Variants in COL4A3 observed in about 807,000 individuals in gnomAD.
The protein encoded by COL4A3 is collagen type IV alpha 3 chain.
In COL4A3, 135 loss-of-function variants were observed where a neutral mutation model predicts 217.4. That is an observed-to-expected ratio of 0.62 (90% CI 0.54 to 0.72). The LOEUF (loss-of-function observed/expected upper bound fraction) is 0.72. Ranked by LOEUF, COL4A3 falls within the 30% of genes least tolerant of loss-of-function variation. The pLI is 0.00. For missense variants in COL4A3, 1,868 were observed against 2,119.9 expected (o/e 0.88, Z 2.33); for synonymous variants, 690 against 736.3 (o/e 0.94, Z 1.02).
rs2071812997 is a variant in COL4A3 at position 227,279,579 on chromosome 2, C to G, written c.2126-214C>G. ...TTGCTGAATCAAAATCATGGCCCTA[C>G]TAAACAACAAAATAGAGAAAGTTAT... is the stretch of plus-strand genomic sequence containing the variant. On this transcript the variant is annotated intron_variant, in intron 28 of 51. Transcript: ENST00000396578. 9.1e-6 allele frequency: 5 copies of G among 547,358 alleles called. No homozygotes were observed. In the South Asian group the frequency reaches 9.7e-5, roughly 11 times the overall value. 33.9% of individuals were successfully genotyped at this position (547,358 alleles called of 1,614,324 possible). A position where few individuals can be genotyped will look rare whatever the true frequency, so the allele number is the denominator to read the frequency against.
At position 227,279,772 on chromosome 2, in the gene COL4A3, TTTA is replaced by T. The variant is rs770265566; in HGVS notation, c.2126-18_2126-16del. 1.4e-5 allele frequency: 21 copies of T among 1,507,810 alleles called. No individual in the cohort carries two copies. The highest frequency in any genetic ancestry group is 1.7e-5 in the Non-Finnish European group (19 of 1,092,104). 93.4% of individuals were successfully genotyped at this position (1,507,810 alleles called of 1,614,324 possible). ...CAATAAGACTAATCCTACAACAATGTTTATTGTTTTTTCTCTGTAGGAGACCAA... is the reference window on the plus strand; with the variant it reads ...CAATAAGACTAATCCTACAACAATGTTTGTTTTTTCTCTGTAGGAGACCAA... On this transcript the variant is annotated intron_variant, in intron 28 of 51. Transcript: ENST00000396578.
At position 227,311,749 on chromosome 2, in the gene COL4A3, T is replaced by C. The variant is rs1350051307; in HGVS notation, c.4929-37T>C. Reference sequence around the variant, plus strand: ...CTCAGCAAAAATTCCCTTTTATGCATAAATAAATGAATTTTTTTGGTTTGT... The same window carrying C: ...CTCAGCAAAAATTCCCTTTTATGCACAAATAAATGAATTTTTTTGGTTTGT... On this transcript the variant is annotated intron_variant, in intron 51 of 51. Coordinates refer to ENST00000396578, the MANE Select transcript of COL4A3 (RefSeq NM_000091.5). The C allele has an allele frequency of 3.1e-6, 5 of 1,598,066 alleles. No homozygotes were observed. In the African/African-American group the frequency reaches 5.4e-5, roughly 17 times the overall value.
chr2:227,171,310 G>A (rs183626644), intron 1 of COL4A3, among the ~76,000 whole-genome samples: 1 of 152,242 alleles, frequency 6.6e-6, no homozygotes, highest in African/African-American at 2.4e-5. Flanking sequence ...TGAACTTTAT[G>A]TATGTAGATT....
intron 1 of COL4A3, among the ~76,000 whole-genome samples, chr2:227,192,365 G>C (rs1218633396): frequency 6.6e-6 from 1 of 152,082 alleles, no homozygotes. Context: ...GTTAGATGTG[G>C]TTTAGCACAC....
Position 227,253,387 on chromosome 2 carries a change from G to T in COL4A3, c.687+50G>T. On this transcript the variant is annotated intron_variant, in intron 12 of 51. Transcript: ENST00000396578. This position sits in a 1 kb window ranked among gnomAD's most constrained non-coding sequence, Gnocchi z 4.4. ...AGCAGGCGAGATATTTTATGTCCCAGAGCATATCAGCCTATACCGTTTACT... is the reference window on the plus strand; with the variant it reads ...AGCAGGCGAGATATTTTATGTCCCATAGCATATCAGCCTATACCGTTTACT... 1 of 1,582,852 alleles carries T rather than the reference G, an allele frequency of 6.3e-7. No individual in the cohort carries two copies. Among genetic ancestry groups the T allele is most frequent in the Non-Finnish European group, 8.7e-7 (1 of 1,151,636 alleles).
intron 34 of COL4A3, among the ~76,000 whole-genome samples, chr2:227,286,024 A>G (rs1479407685): frequency 1.3e-5 from 2 of 152,244 alleles, no homozygotes; most frequent in Non-Finnish European, 2.9e-5. Flanking sequence ...ACAAGTCACT[A>G]TCCTCTCCAC....
chr2:227,208,326 C>G (rs2067178707), intron 1 of COL4A3, among the ~76,000 whole-genome samples: 1 of 152,202 alleles, frequency 6.6e-6, no homozygotes, highest in African/African-American at 2.4e-5. Context: ...CTTCTGGCTT[C>G]AAGAGTCCGA....
At chr2:227,203,288 CATATATGTGT>C (rs1443441110) in intron 1 of COL4A3, among the ~76,000 whole-genome samples, 7 of 69,432 alleles carry the variant, frequency 1.0e-4, no homozygotes, top group African/African-American at 2.3e-4. Context: ...TGTATATATA[CATATATGTGT>C]ATATATGTGT....
At position 227,290,833 on chromosome 2, in the gene COL4A3, A is replaced by C; in HGVS notation, c.3157A>C (p.Lys1053Gln). The C allele has an allele frequency of 6.2e-7, 1 of 1,613,860 alleles. No individual in the cohort carries two copies. Among genetic ancestry groups the C allele is most frequent in the Non-Finnish European group, 8.5e-7 (1 of 1,179,962 alleles). Residue 1053 changes from lysine (K) to glutamine (Q), a missense_variant, in exon 37 of 52, where the codon AAG (lysine) becomes CAG (glutamine). Transcript: ENST00000396578. ...LPGIHGLQGD[K>Q]GEPGYSEGTR... ...AGGTATTCATGGTCTCCAGGGAGAT[A>C]AGGGAGAGCCAGGTTATTCAGAAGG...
intron 47 of COL4A3, among the ~76,000 whole-genome samples, chr2:227,305,880 A>G (rs2073480506): frequency 6.6e-6 from 1 of 152,194 alleles, no homozygotes; most frequent in South Asian, 2.1e-4. Context: ...GACTTTGTTA[A>G]AGCAAGAAAA....
chr2:227,200,902 A>G (rs971822233), intron 1 of COL4A3, among the ~76,000 whole-genome samples: 1 of 152,186 alleles, frequency 6.6e-6, no homozygotes, highest in African/African-American at 2.4e-5. Flanking sequence ...CTCTCTGCTT[A>G]TGTTTTGTTT....
chr2:227,207,812 T>C (rs529964170), intron 1 of COL4A3, among the ~76,000 whole-genome samples: 1 of 152,332 alleles, frequency 6.6e-6, no homozygotes, highest in East Asian at 1.9e-4. Flanking sequence ...GGGGGAGAGT[T>C]CTGCTCTGGA....
intron 3 of COL4A3, among the ~76,000 whole-genome samples, chr2:227,241,142 G>A (rs2068996240): frequency 6.6e-6 from 1 of 152,048 alleles, no homozygotes; most frequent in Non-Finnish European, 1.5e-5. Context: ...ATACAGCAAA[G>A]GGCTTTGTTT....
At chr2:227,286,292 G>A (rs946571589) in intron 34 of COL4A3, among the ~76,000 whole-genome samples, 1 of 138,636 alleles carries the variant, frequency 7.2e-6, no homozygotes, top group Non-Finnish European at 1.5e-5. Context: ...AGGAGTTCGA[G>A]ACCAGCCTGG....
At chr2:227,289,798 AG>A (rs2072568666) in intron 35 of COL4A3, among the ~76,000 whole-genome samples, 200 bp from the exon 36 acceptor site, 1 of 152,162 alleles carries the variant, frequency 6.6e-6, no homozygotes, top group Admixed American at 6.5e-5. Flanking sequence ...TCTGCTAACG[AG>A]AATCTAACTT....
intron 1 of COL4A3, among the ~76,000 whole-genome samples, chr2:227,208,789 CACACACACACACACACATATAT>C (rs1232589130): frequency 1.1e-4 from 16 of 147,240 alleles, no homozygotes; most frequent in Non-Finnish European, 1.7e-4. Flanking sequence ...CACACACACA[CACACACACACACACACATATAT>C]ACAGAAGGAG....
At chr2:227,311,410 C>T (rs978575631) in intron 51 of COL4A3, among the ~76,000 whole-genome samples, 2 of 149,678 alleles carry the variant, frequency 1.3e-5, no homozygotes, top group South Asian at 2.1e-4. Context: ...GATGGAGTCT[C>T]GCTCTGTTGC....
At chr2:227,251,448 T>G in intron 11 of COL4A3, 77 bp downstream of exon 11, 1 of 1,371,928 alleles carries the variant, frequency 7.3e-7, no homozygotes, top group Non-Finnish European at 1.0e-6. Context: ...TGCTTCTTCA[T>G]GTGGGTCACT....
At chr2:227,295,880 A>T (rs1345519472) in intron 41 of COL4A3, among the ~76,000 whole-genome samples, 1 of 152,166 alleles carries the variant, frequency 6.6e-6, no homozygotes, top group East Asian at 1.9e-4. Context: ...TGGATTTCTC[A>T]TGTCAGTGCT....
Sources: gnomAD v4.1 joint callset for allele counts (sites outside exome capture counted in the v4.1 genomes callset) on GRCh38, gnomAD v4.1.1 for gene constraint, Gnocchi (gnomAD v3.1) non-coding constraint, MANE v1.5 for transcripts, NCBI Gene and HGNC (gene_info 2026-07-23, HGNC 2026-07-21) for gene names.